Variants in ARHGAP22 observed in about 807,000 individuals in gnomAD.
ARHGAP22 encodes rho GTPase-activating protein 22.
Under a neutral mutation model 59.1 loss-of-function variants are expected in ARHGAP22, and 48 were observed. That is an observed-to-expected ratio of 0.81 (90% CI 0.64 to 1.03). The LOEUF is 1.03. Ranked by LOEUF, ARHGAP22 falls within the 50% of genes least tolerant of loss-of-function variation. ARHGAP22 has a pLI of 0.00. For missense variants in ARHGAP22, 1,015 were observed against 958.7 expected (o/e 1.06, Z -0.78); for synonymous variants, 445 against 416.4 (o/e 1.07, Z -0.84).
At chr10:48,555,810 G>A (rs1291619987) in intron 2 of ARHGAP22, among the ~76,000 whole-genome samples, 1 of 152,198 alleles carries the variant, frequency 6.6e-6, no homozygotes, top group African/African-American at 2.4e-5. Flanking sequence ...GGGAACTCTG[G>A]AGCAGGGAGG....
chr10:48,652,154 C>T, intron 1 of ARHGAP22: 2 of 1,355,770 alleles, frequency 1.5e-6, no homozygotes, highest in Non-Finnish European at 2.0e-6. Context: ...CCAAGACAGC[C>T]TCCGGGGACC....
chr10:48,558,445 C>T (rs1057189850), intron 2 of ARHGAP22, among the ~76,000 whole-genome samples: 7 of 152,000 alleles, frequency 4.6e-5, no homozygotes, highest in African/African-American at 1.5e-4. Flanking sequence ...TTACTGCAGC[C>T]TCTACCTACC....
intron 1 of ARHGAP22, among the ~76,000 whole-genome samples, chr10:48,643,042 C>T (rs920591720): frequency 1.8e-3 from 273 of 152,228 alleles, no homozygotes; most frequent in Non-Finnish European, 1.5e-3. Flanking sequence ...CAATGAGATA[C>T]CATCTCACAC....
At chr10:48,591,539 A>G (rs1306170798) in intron 1 of ARHGAP22, among the ~76,000 whole-genome samples, 1 of 152,226 alleles carries the variant, frequency 6.6e-6, no homozygotes, top group Non-Finnish European at 1.5e-5. Flanking sequence ...CTACAGCCAT[A>G]AGATACCGCA....
Position 48,479,759 on chromosome 10 carries a change from C to T in ARHGAP22, c.328G>A (p.Ala110Thr), listed in dbSNP as rs1158727629. ...KHLFEISPGG[A>T]GEREKVPANP... is the part of the protein sequence containing the mutation. Reference sequence around the variant, plus strand: ...GCCGGCACCTTCTCCCGCTCCCCGGCACCACCTGCAAGACAGGGAGACACA... The same window carrying T: ...GCCGGCACCTTCTCCCGCTCCCCGGTACCACCTGCAAGACAGGGAGACACA... Residue 110 changes from alanine (A) to threonine (T), a missense_variant, in exon 4 of 10, where the codon GCC becomes ACC. Transcript: ENST00000249601. The T allele has an allele frequency of 3.2e-6, 5 of 1,580,914 alleles. No homozygotes were observed. The highest frequency in any genetic ancestry group is 4.3e-6 in the Non-Finnish European group (5 of 1,161,820).
chr10:48,540,659 C>T (rs2135109582), intron 3 of ARHGAP22, among the ~76,000 whole-genome samples: 1 of 152,180 alleles, frequency 6.6e-6, no homozygotes, highest in Admixed American at 6.5e-5. Flanking sequence ...TGTCTGTGAG[C>T]CAGAATCAGC....
chr10:48,654,927 CTG>C (rs2062717742), upstream of ARHGAP22, among the ~76,000 whole-genome samples: 4 of 137,608 alleles, frequency 2.9e-5, no homozygotes, highest in African/African-American at 5.5e-5. Flanking sequence ...CCCTTTCTCT[CTG>C]TTTCTCTCTC....
At chr10:48,533,714 A>G (rs538026792) in intron 3 of ARHGAP22, among the ~76,000 whole-genome samples, 1 of 152,364 alleles carries the variant, frequency 6.6e-6, no homozygotes, top group Non-Finnish European at 1.5e-5. Flanking sequence ...ACGTAAATGA[A>G]TGAGTGTGGT....
intron 3 of ARHGAP22, among the ~76,000 whole-genome samples, chr10:48,508,974 T>C (rs1472023616): frequency 2.6e-5 from 4 of 152,230 alleles, no homozygotes; most frequent in Non-Finnish European, 5.9e-5. Flanking sequence ...ATACCACTGT[T>C]ATCTAATGGG....
intron 3 of ARHGAP22, among the ~76,000 whole-genome samples, chr10:48,539,291 A>ATTTTTTTTTTTTTTTTTT (rs56801787): frequency 7.3e-6 from 1 of 136,262 alleles, no homozygotes. Flanking sequence ...GAAGGGTAAC[A>ATTTTTTTTTTTTTTTTTT]TTTTTTTTTT....
Position 48,594,078 on chromosome 10 carries a change from C to T in ARHGAP22, c.34+10685G>A, listed in dbSNP as rs1014027758. Reference sequence around the variant, plus strand: ...AGTTCTAAAATAGCAATTAAAGGATCATTATTTGATACATGCTTATGAGTA... The same window carrying T: ...AGTTCTAAAATAGCAATTAAAGGATTATTATTTGATACATGCTTATGAGTA... On this transcript the variant is annotated intron_variant, in intron 1 of 9. Coordinates refer to ENST00000249601, the MANE Select transcript of ARHGAP22 (RefSeq NM_021226.4). Among the ~76,000 whole-genome samples the T allele has an allele frequency of 5.9e-5, 9 of 152,322 alleles. No individual in the cohort carries two copies. The East Asian group carries it at 1.7e-3, about 29-fold the overall frequency.
the ARHGAP22 span, chr10:48,436,719 T>A: frequency 6.6e-6 from 1 of 152,234 alleles, no homozygotes. Context: ...TAAAATACAT[T>A]AGCTTTTTTA....
chr10:48,523,715 G>A (rs912707757), intron 3 of ARHGAP22, among the ~76,000 whole-genome samples: 2 of 151,978 alleles, frequency 1.3e-5, no homozygotes, highest in Non-Finnish European at 2.9e-5. Context: ...CCCGGCCGTG[G>A]ACTTGGCGGA....
chr10:48,471,923 G>A (rs1011699288), intron 4 of ARHGAP22, among the ~76,000 whole-genome samples: 2 of 152,198 alleles, frequency 1.3e-5, no homozygotes, highest in Non-Finnish European at 2.9e-5. Context: ...AGTAACAGCA[G>A]CTGGGCCAGG....
At chr10:48,458,495 G>A (rs1424713904) in intron 5 of ARHGAP22, among the ~76,000 whole-genome samples, 2 of 152,122 alleles carry the variant, frequency 1.3e-5, no homozygotes, top group African/African-American at 4.8e-5. Flanking sequence ...AGGCGCAGAC[G>A]GCCTGTGCCA....
Position 48,446,326 on chromosome 10 carries a change from C to A in ARHGAP22, c.*65G>T. 1.9e-6 allele frequency: 3 copies of A among 1,567,114 alleles called. No homozygotes were observed. Among genetic ancestry groups the A allele is most frequent in the Non-Finnish European group, 2.6e-6 (3 of 1,144,218 alleles). On this transcript the variant is annotated 3_prime_UTR_variant, in exon 10 of 10. Transcript: ENST00000249601. ...CCTGGCTGCTCCAGAGATACAGACG[C>A]TTCTAACTCCATACAAGGCTGGAGA...
intron 3 of ARHGAP22, among the ~76,000 whole-genome samples, chr10:48,505,835 C>A (rs1432191247): frequency 6.6e-6 from 1 of 152,218 alleles, no homozygotes; most frequent in Admixed American, 6.5e-5. Context: ...GGAGAAGCTG[C>A]AGCCCAAGGG....
chr10:48,583,408 C>T (rs928702748), intron 1 of ARHGAP22, among the ~76,000 whole-genome samples: 12 of 152,218 alleles, frequency 7.9e-5, no homozygotes, highest in Non-Finnish European at 1.8e-4. Flanking sequence ...CTCTGGGATC[C>T]TAGGTTCTTC....
intron 1 of ARHGAP22, among the ~76,000 whole-genome samples, chr10:48,604,073 G>A (rs2060537846): frequency 6.6e-6 from 1 of 152,226 alleles, no homozygotes; most frequent in Non-Finnish European, 1.5e-5. Context: ...AGAAGTTGTT[G>A]TCCATGGAGA....
Sources: gnomAD v4.1 joint callset for allele counts (sites outside exome capture counted in the v4.1 genomes callset) on GRCh38, gnomAD v4.1.1 for gene constraint, MANE v1.5 for transcripts, NCBI Gene and HGNC (gene_info 2026-07-23, HGNC 2026-07-21) for gene names.